Variants in KRABD1 observed in about 807,000 individuals in gnomAD.
KRABD1 encodes the protein KRAB domain containing 1.
the KRABD1 span, chr3:42,938,848 A>T: frequency 6.4e-6 from 9 of 1,401,992 alleles, no homozygotes; most frequent in Middle Eastern, 1.8e-4. Flanking sequence ...CTTTACCTTC[A>T]GCACCTGAGA....
the KRABD1 span, among the ~76,000 whole-genome samples, chr3:42,939,308 G>A: frequency 6.6e-6 from 1 of 152,164 alleles, no homozygotes; most frequent in Non-Finnish European, 1.5e-5. Context: ...CTTCGTATAA[G>A]TGGAATCATT....
At chr3:42,940,891 G>T in the KRABD1 span, among the ~76,000 whole-genome samples, 3 of 152,216 alleles carry the variant, frequency 2.0e-5, no homozygotes, top group African/African-American at 7.2e-5. Context: ...CTATGTTCGG[G>T]GGTCAGTTCT....
the KRABD1 span, among the ~76,000 whole-genome samples, chr3:42,939,309 T>C: frequency 6.6e-6 from 1 of 152,356 alleles, no homozygotes; most frequent in Non-Finnish European, 1.5e-5. Context: ...TTCGTATAAG[T>C]GGAATCATTA....
At chr3:42,939,012 C>G in the KRABD1 span, 4 of 991,942 alleles carry the variant, frequency 4.0e-6, no homozygotes, top group Non-Finnish European at 5.9e-6. Context: ...ATAAAAATAT[C>G]TATATTACAC....
At chr3:42,941,129 C>T in the KRABD1 span, 25 of 1,187,048 alleles carry the variant, frequency 2.1e-5, no homozygotes, top group Middle Eastern at 2.0e-4. Context: ...ATACTGAATA[C>T]GTATCATTTG....
At chr3:42,941,907 AC>A in the KRABD1 span, 19 of 1,122,232 alleles carry the variant, frequency 1.7e-5, no homozygotes, top group Non-Finnish European at 2.5e-5. Flanking sequence ...CTTAAATTTG[AC>A]CCCTATGACT....
chr3:42,941,030 C>T, the KRABD1 span, among the ~76,000 whole-genome samples: 1 of 152,172 alleles, frequency 6.6e-6, no homozygotes, highest in Non-Finnish European at 1.5e-5. Context: ...GGAAAATATG[C>T]TGAACTCTGA....
At chr3:42,939,060 A>T in the KRABD1 span, 4 of 611,928 alleles carry the variant, frequency 6.5e-6, no homozygotes, top group East Asian at 5.7e-5. Flanking sequence ...ATATGTGTGT[A>T]TGTGTACACA....
the KRABD1 span, among the ~76,000 whole-genome samples, chr3:42,940,997 G>A: frequency 3.9e-5 from 6 of 152,180 alleles, no homozygotes; most frequent in Admixed American, 2.0e-4. Flanking sequence ...AGCTCATAGC[G>A]GAGGTGTACT....
At chr3:42,941,253 G>C in the KRABD1 span, 14 of 1,575,282 alleles carry the variant, frequency 8.9e-6, no homozygotes, top group South Asian at 1.5e-4. Context: ...GGACGTGGCT[G>C]TGTACTTCAC....
chr3:42,939,393 C>G, the KRABD1 span, among the ~76,000 whole-genome samples: 182 of 152,332 alleles, frequency 1.2e-3, no homozygotes, highest in African/African-American at 4.2e-3. Context: ...TTGTTGCACA[C>G]AGCAGTGATT....
chr3:42,941,286 G>A, the KRABD1 span: 2 of 1,596,362 alleles, frequency 1.3e-6, no homozygotes, highest in South Asian at 2.2e-5. Context: ...GGCCATCATG[G>A]TGCCTGCCGA....
chr3:42,942,666 C>A, the KRABD1 span: 3 of 1,008,094 alleles, frequency 3.0e-6, no homozygotes, highest in Non-Finnish European at 4.2e-6. Flanking sequence ...ATTTAAATAC[C>A]AGTTTTCCAA....
chr3:42,942,150 C>T, the KRABD1 span: 1 of 989,056 alleles, frequency 1.0e-6, no homozygotes, highest in Non-Finnish European at 1.5e-6. Context: ...GGTGTGTGTT[C>T]TCTGTGCCCA....
At chr3:42,941,004 T>C in the KRABD1 span, among the ~76,000 whole-genome samples, 1 of 152,178 alleles carries the variant, frequency 6.6e-6, no homozygotes, top group Non-Finnish European at 1.5e-5. Context: ...AGCGGAGGTG[T>C]ACTTGTTTCT....
the KRABD1 span, chr3:42,938,944 T>C: frequency 1.3e-6 from 2 of 1,530,046 alleles, no homozygotes; most frequent in East Asian, 4.9e-5. Flanking sequence ...GAGCTGTTTT[T>C]TTCTATCTCT....
chr3:42,942,457 C>G, the KRABD1 span: 1 of 451,840 alleles, frequency 2.2e-6, no homozygotes, highest in South Asian at 7.2e-5. Context: ...TTCATGAGAA[C>G]TAATATATTA....
the KRABD1 span, among the ~76,000 whole-genome samples, chr3:42,939,994 A>G: frequency 6.6e-6 from 1 of 152,016 alleles, no homozygotes; most frequent in Non-Finnish European, 1.5e-5. Context: ...GTATCTTTTG[A>G]TTATAGATTT....
chr3:42,938,889 A>G, the KRABD1 span: 2 of 1,531,094 alleles, frequency 1.3e-6, no homozygotes, highest in Admixed American at 3.9e-5. Context: ...GGAATAAAAG[A>G]GGTCAGATGA....
Sources: gnomAD v4.1 joint callset for allele counts (sites outside exome capture counted in the v4.1 genomes callset) on GRCh38, gnomAD v4.1.1 for gene constraint, MANE v1.5 for transcripts, NCBI Gene and HGNC (gene_info 2026-07-23, HGNC 2026-07-21) for gene names.